The following LNX1 variants were observed in gnomAD, a reference collection of about 807,000 sequenced individuals.
LNX1 encodes the protein ligand of numb-protein X 1.
Under a neutral mutation model 68.4 loss-of-function variants are expected in LNX1, and 54 were observed. That is an observed-to-expected ratio of 0.79 (90% CI 0.63 to 0.99). The LOEUF (loss-of-function observed/expected upper bound fraction) is 0.99, where lower values mean the gene tolerates loss of function less well. LNX1 is among the 50% of genes least tolerant of loss of function. LNX1 has a pLI of 0.00. For missense variants in LNX1, 906 were observed against 926.4 expected, an observed-to-expected ratio of 0.98 and a Z score of 0.29; for synonymous variants, 336 against 350.0, an observed-to-expected ratio of 0.96 and a Z score of 0.45.
chr4:53,489,109 A>G (rs996075299), intron 6 of LNX1, among the ~76,000 whole-genome samples: 1 of 152,194 alleles, frequency 6.6e-6, no homozygotes, highest in Non-Finnish European at 1.5e-5. Context: ...ACCCCCAGAA[A>G]AGTGCCTGAT....
chr4:53,557,972 A>G (rs1359760400), intron 2 of LNX1: 1 of 1,613,554 alleles, frequency 6.2e-7, no homozygotes, highest in Non-Finnish European at 8.5e-7. Flanking sequence ...TCATTCTCCG[A>G]GCAGTGTGCT....
intron 1 of LNX1, among the ~76,000 whole-genome samples, chr4:53,587,149 C>G (rs1045597848): frequency 1.6e-4 from 24 of 152,200 alleles, no homozygotes; most frequent in African/African-American, 5.8e-4. Flanking sequence ...CTTCCTCTTA[C>G]TGATCTGAAG....
intron 2 of LNX1, among the ~76,000 whole-genome samples, chr4:53,551,372 C>A (rs1729500958): frequency 6.6e-6 from 1 of 152,130 alleles, no homozygotes; most frequent in African/African-American, 2.4e-5. Flanking sequence ...CAGGGCCAGG[C>A]AGTTTCCCAA....
chr4:53,483,933 C>T (rs1326039681), intron 6 of LNX1, among the ~76,000 whole-genome samples: 7 of 152,166 alleles, frequency 4.6e-5, no homozygotes, highest in African/African-American at 9.7e-5. Context: ...ACCCACAACA[C>T]GGCAGCATTT....
intron 2 of LNX1, among the ~76,000 whole-genome samples, chr4:53,609,623 A>G (rs1371410231): frequency 6.9e-6 from 1 of 145,888 alleles, no homozygotes; most frequent in Non-Finnish European, 1.5e-5. Context: ...TATGTTATAA[A>G]TAGTATATAT....
intron 2 of LNX1, among the ~76,000 whole-genome samples, chr4:53,517,931 C>G (rs750677564): frequency 6.6e-6 from 1 of 152,174 alleles, no homozygotes; most frequent in Non-Finnish European, 1.5e-5. Context: ...CCCCAGAGGA[C>G]AGGTGGATTT....
At chr4:53,536,985 ATTAC>A (rs1728419651) in intron 2 of LNX1, among the ~76,000 whole-genome samples, 1 of 152,218 alleles carries the variant, frequency 6.6e-6, no homozygotes. Flanking sequence ...ATGATTTCTA[ATTAC>A]TTAGGAAAAT....
intron 9 of LNX1, among the ~76,000 whole-genome samples, chr4:53,473,149 T>G (rs1345816541): frequency 1.3e-5 from 2 of 152,208 alleles, no homozygotes. Flanking sequence ...GTAAAATATT[T>G]CTGAAGCAAC....
At chr4:53,642,463 C>T (rs1734723720) in intron 1 of LNX1, among the ~76,000 whole-genome samples, 1 of 152,134 alleles carries the variant, frequency 6.6e-6, no homozygotes, top group Non-Finnish European at 1.5e-5. Flanking sequence ...GGTCTCCTGG[C>T]CATTGACCAC....
chr4:53,526,315 G>T (rs1287196945), intron 2 of LNX1, among the ~76,000 whole-genome samples: 10 of 152,144 alleles, frequency 6.6e-5, no homozygotes, highest in African/African-American at 2.4e-4. Flanking sequence ...CTGGTTATTA[G>T]TGAGACACAA....
intron 1 of LNX1, among the ~76,000 whole-genome samples, chr4:53,650,965 A>T (rs1735075834): frequency 6.6e-6 from 1 of 152,168 alleles, no homozygotes; most frequent in Non-Finnish European, 1.5e-5. Flanking sequence ...CACATGCATA[A>T]TCTCATTTAC....
At chr4:53,557,381 C>T (rs1729987169) in intron 2 of LNX1, among the ~76,000 whole-genome samples, 1 of 151,962 alleles carries the variant, frequency 6.6e-6, no homozygotes, top group African/African-American at 2.4e-5. Context: ...TCAAAAGCAT[C>T]AAAAATAAAA....
intron 1 of LNX1, among the ~76,000 whole-genome samples, chr4:53,648,931 T>G (rs1734990305): frequency 6.6e-6 from 1 of 152,088 alleles, no homozygotes; most frequent in East Asian, 1.9e-4. Context: ...TAATGGCCAC[T>G]CCTAACAGAT....
Position 53,591,371 on chromosome 4 carries a change from G to A in LNX1, c.-87+17C>T. ...GGTCTAAATGCCAAGAGAGAAAAATGGAGGGTTTCAACTCACCTCTTCAAG... is the reference window on the plus strand; with the variant it reads ...GGTCTAAATGCCAAGAGAGAAAAATAGAGGGTTTCAACTCACCTCTTCAAG... On this transcript the variant is annotated intron_variant, in intron 1 of 10. Transcript: ENST00000263925. The A allele has an allele frequency of 2.0e-6, 2 of 985,174 alleles. No individual in the cohort carries two copies. Among genetic ancestry groups the A allele is most frequent in the Non-Finnish European group, 2.4e-6 (2 of 829,748 alleles). The allele number at this position is 985,174 out of a possible 1,614,324, so 61.0% of individuals were successfully genotyped here.
At chr4:53,492,938 G>A (rs1724802238) in intron 6 of LNX1, among the ~76,000 whole-genome samples, 1 of 152,016 alleles carries the variant, frequency 6.6e-6, no homozygotes, top group Admixed American at 6.6e-5. Context: ...CATGAATTTG[G>A]GAATAGATGG....
chr4:53,496,248 G>A lies in LNX1; in HGVS notation c.1125C>T (p.Pro375=), dbSNP rs866617581. 6.2e-7 allele frequency: 1 copy of A among 1,614,110 alleles called. No homozygotes were observed. Among genetic ancestry groups the A allele is most frequent in the Non-Finnish European group, 8.5e-7 (1 of 1,180,024 alleles). The change falls in exon 6 of 11, where the codon CCC becomes CCT. Residue 375 remains proline, a synonymous_variant. Transcript: ENST00000263925. ...NNGQAPDAYR[P]RDDSFHVILN... is the part of the protein sequence containing the mutation. ...GAATCACATGAAAGCTGTCATCTCG[G>A]GGTCTGTAGGCATCCGGGGCCTGTC...
chr4:53,598,173 A>G (rs1732839497), intron 2 of LNX1, among the ~76,000 whole-genome samples: 1 of 152,050 alleles, frequency 6.6e-6, no homozygotes, highest in South Asian at 2.1e-4. Context: ...CCCTAAGCAG[A>G]TATTGATGCC....
At chr4:53,494,596 T>A (rs749845120) in intron 6 of LNX1, among the ~76,000 whole-genome samples, 24 of 152,180 alleles carry the variant, frequency 1.6e-4, no homozygotes, top group Non-Finnish European at 2.8e-4. Flanking sequence ...CATACTTAAT[T>A]TTTTCCATTG....
intron 2 of LNX1, among the ~76,000 whole-genome samples, chr4:53,605,290 G>A (rs1733183327): frequency 6.6e-6 from 1 of 152,186 alleles, no homozygotes; most frequent in South Asian, 2.1e-4. Flanking sequence ...AGAAATTTTA[G>A]TGTGTTATCG....
Sources: gnomAD v4.1 joint callset for allele counts (sites outside exome capture counted in the v4.1 genomes callset) on GRCh38, gnomAD v4.1.1 for gene constraint, MANE v1.5 for transcripts, NCBI Gene and HGNC (gene_info 2026-07-23, HGNC 2026-07-21) for gene names.